The following CNTN3 variants were observed in gnomAD, a reference collection of about 807,000 sequenced individuals.
The protein encoded by CNTN3 is contactin 3.
CNTN3 carries 60 observed loss-of-function variants against 119.1 expected under a neutral mutation model. The ratio of observed to expected loss-of-function variants is 0.50; its 90% CI spans 0.41 to 0.62. The LOEUF (loss-of-function observed/expected upper bound fraction) is 0.62. CNTN3 is among the 20% of genes least tolerant of loss of function. The pLI, the probability that CNTN3 is intolerant of heterozygous loss-of-function variation, is 0.00. For synonymous variants in CNTN3, 450 were observed against 438.7 expected, an observed-to-expected ratio of 1.03 and a Z score of -0.32; for missense variants, 1,101 against 1,242.4, an observed-to-expected ratio of 0.89 and a Z score of 1.71.
chr3:74,384,312 T>C (rs953863334), intron 5 of CNTN3, among the ~76,000 whole-genome samples: 35 of 152,312 alleles, frequency 2.3e-4, no homozygotes, highest in African/African-American at 7.9e-4. Flanking sequence ...GCAATTCTAA[T>C]AAAGGAAACA....
intron 1 of CNTN3, among the ~76,000 whole-genome samples, chr3:74,576,791 T>A (rs539259768): frequency 3.3e-5 from 5 of 152,284 alleles, no homozygotes; most frequent in South Asian, 4.1e-4. Flanking sequence ...ACTGTTTTTT[T>A]ACTAGTGCAT....
At position 74,486,492 on chromosome 3, in the gene CNTN3, T is replaced by C; in HGVS notation, c.322A>G (p.Thr108Ala). The change falls in exon 4 of 23, where the codon ACA becomes GCA. Residue 108 changes from threonine to alanine, a missense_variant. Transcript: ENST00000263665. Reference protein sequence around the residue: ...YQCFATNSLGTIVSREAKLQF... With the variant: ...YQCFATNSLGAIVSREAKLQF... ...AGTTTGGCTTCTCTGCTGACAATTGTTCCAAGTGAATTTGTTGCAAAACAT... is the reference window on the plus strand; with the variant it reads ...AGTTTGGCTTCTCTGCTGACAATTGCTCCAAGTGAATTTGTTGCAAAACAT... 6.2e-7 allele frequency: 1 copy of C among 1,607,268 alleles called. No individual in the cohort carries two copies. Among genetic ancestry groups the C allele is most frequent in the South Asian group, 1.1e-5 (1 of 89,090 alleles).
intron 2 of CNTN3, among the ~76,000 whole-genome samples, chr3:74,507,236 T>C (rs868371622): frequency 1.3e-5 from 2 of 152,044 alleles, no homozygotes; most frequent in East Asian, 1.9e-4. Context: ...CTGGGAAACA[T>C]AGCAAGACTC....
At chr3:74,413,777 C>G (rs1329412427) in intron 5 of CNTN3, among the ~76,000 whole-genome samples, 1 of 152,066 alleles carries the variant, frequency 6.6e-6, no homozygotes, top group Non-Finnish European at 1.5e-5. Context: ...ACCCTGGTAC[C>G]ATTTCAAAGT....
intron 5 of CNTN3, among the ~76,000 whole-genome samples, chr3:74,406,612 A>T (rs1341123105): frequency 6.6e-6 from 1 of 151,794 alleles, no homozygotes. Context: ...TAGATTCCTT[A>T]GTTTAACTGT....
chr3:74,568,897 TG>T (rs1214027764), intron 1 of CNTN3, among the ~76,000 whole-genome samples: 1 of 152,190 alleles, frequency 6.6e-6, no homozygotes, highest in Non-Finnish European at 1.5e-5. Context: ...ATGTCTAAGT[TG>T]GTGAAACAAA....
At chr3:74,401,240 C>G (rs1705183520) in intron 5 of CNTN3, among the ~76,000 whole-genome samples, 1 of 152,158 alleles carries the variant, frequency 6.6e-6, no homozygotes, top group African/African-American at 2.4e-5. Context: ...TCTTGAAACT[C>G]AATCACTCAC....
chr3:74,493,181 GA>G (rs1237851764), intron 3 of CNTN3, among the ~76,000 whole-genome samples: 21 of 151,966 alleles, frequency 1.4e-4, no homozygotes, highest in African/African-American at 5.1e-4. Flanking sequence ...CTAGCATATG[GA>G]ATAACAATAA....
chr3:74,272,645 A>T (rs1701801064), intron 20 of CNTN3, among the ~76,000 whole-genome samples: 1 of 152,202 alleles, frequency 6.6e-6, no homozygotes, highest in African/African-American at 2.4e-5. Flanking sequence ...GATGTGATGC[A>T]CAGAAAAGCC....
intron 1 of CNTN3, among the ~76,000 whole-genome samples, chr3:74,556,415 G>A (rs1704071076): frequency 6.6e-6 from 1 of 152,082 alleles, no homozygotes; most frequent in Non-Finnish European, 1.5e-5. Flanking sequence ...GTGATCTTTT[G>A]TAATGCCTTC....
intron 1 of CNTN3, among the ~76,000 whole-genome samples, chr3:74,607,507 C>G (rs57955683): frequency 0.047 from 7,088 of 152,240 alleles, 235 homozygotes; most frequent in South Asian, 0.12. Flanking sequence ...GCATCAAAAT[C>G]CTGCCCAAGC....
At chr3:74,459,190 C>G (rs1185077381) in intron 4 of CNTN3, among the ~76,000 whole-genome samples, 1 of 151,952 alleles carries the variant, frequency 6.6e-6, no homozygotes, top group Non-Finnish European at 1.5e-5. Context: ...AGCTTTCTCT[C>G]TTTTCCCCAT....
intron 1 of CNTN3, among the ~76,000 whole-genome samples, chr3:74,524,245 T>G (rs1232248498): frequency 6.6e-6 from 1 of 151,910 alleles, no homozygotes; most frequent in Admixed American, 6.6e-5. Context: ...ACTCACTCAT[T>G]CAGTAAAAAT....
intron 1 of CNTN3, among the ~76,000 whole-genome samples, chr3:74,569,111 C>A (rs954991623): frequency 6.6e-6 from 1 of 152,162 alleles, no homozygotes. Context: ...TGATATTCCA[C>A]CAAGATCCAT....
intron 1 of CNTN3, among the ~76,000 whole-genome samples, chr3:74,525,383 A>T (rs1703604818): frequency 6.6e-6 from 1 of 151,934 alleles, no homozygotes; most frequent in Non-Finnish European, 1.5e-5. Flanking sequence ...TTAAAGTAGG[A>T]CATTGGCTTT....
intron 4 of CNTN3, among the ~76,000 whole-genome samples, chr3:74,440,941 A>G (rs1055229251): frequency 4.6e-5 from 7 of 152,132 alleles, no homozygotes; most frequent in Non-Finnish European, 8.8e-5. Context: ...CAGGGACATG[A>G]GCATCCCTGG....
At chr3:74,356,575 G>A (rs4677384) in intron 11 of CNTN3, among the ~76,000 whole-genome samples, 30,931 of 152,012 alleles carry the variant, frequency 0.2, 3,870 homozygotes, top group Admixed American at 0.26. Context: ...CAATGGCATC[G>A]ATGTATCTGA....
chr3:74,265,530 G>A (rs1340811483), intron 22 of CNTN3, among the ~76,000 whole-genome samples: 1 of 152,146 alleles, frequency 6.6e-6, no homozygotes, highest in Non-Finnish European at 1.5e-5. Context: ...GGGTTCTGCA[G>A]ACTTTTACTT....
intron 13 of CNTN3, among the ~76,000 whole-genome samples, chr3:74,320,892 C>A (rs1367500439): frequency 6.6e-6 from 1 of 151,698 alleles, no homozygotes; most frequent in East Asian, 1.9e-4. Flanking sequence ...TGTCTATATC[C>A]TCAACTGGGC....
Sources: allele counts gnomAD v4.1 joint callset (sites outside exome capture counted in the v4.1 genomes callset), GRCh38; gene constraint gnomAD v4.1.1; transcripts MANE v1.5; gene names NCBI Gene and HGNC (gene_info 2026-07-23, HGNC 2026-07-21).